DIAPH3: variants seen among roughly 807,000 people sequenced by gnomAD.
The protein encoded by DIAPH3 is protein diaphanous homolog 3.
A neutral mutation model predicts 144.3 loss-of-function variants in DIAPH3; 117 were observed. That is an observed-to-expected ratio of 0.81 (90% CI 0.70 to 0.95). The LOEUF (loss-of-function observed/expected upper bound fraction) is 0.95. Ranked by LOEUF, DIAPH3 falls within the 40% of genes least tolerant of loss-of-function variation. The pLI is 0.00. For synonymous variants in DIAPH3, 519 were observed against 488.9 expected, an observed-to-expected ratio of 1.06 and a Z score of -0.81; for missense variants, 1,421 against 1,412.7, an observed-to-expected ratio of 1.01 and a Z score of -0.09.
chr13:59,889,884 T>C (rs1226837174), intron 20 of DIAPH3, among the ~76,000 whole-genome samples: 1 of 152,110 alleles, frequency 6.6e-6, no homozygotes, highest in Admixed American at 6.6e-5. Context: ...CTCCAACCTG[T>C]TTTCCCTGGG....
chr13:59,845,348 A>G (rs956088003), intron 22 of DIAPH3, among the ~76,000 whole-genome samples: 2 of 151,996 alleles, frequency 1.3e-5, no homozygotes, highest in Non-Finnish European at 2.9e-5. Context: ...GGCTGACTTA[A>G]CACTTTTAAA....
At chr13:60,083,698 A>T (rs1260842820) in intron 4 of DIAPH3, among the ~76,000 whole-genome samples, 6 of 152,064 alleles carry the variant, frequency 3.9e-5, no homozygotes, top group Non-Finnish European at 5.9e-5. Context: ...CACTTGCTTC[A>T]ACAGTGATTG....
intron 1 of DIAPH3, among the ~76,000 whole-genome samples, chr13:60,150,325 G>A (rs1020058096): frequency 1.3e-4 from 19 of 151,942 alleles, no homozygotes; most frequent in African/African-American, 3.6e-4. Flanking sequence ...GCGCCTGGCC[G>A]CTTTTTCAAT....
chr13:59,971,879 C>T (rs189119078), intron 15 of DIAPH3, among the ~76,000 whole-genome samples: 6 of 152,306 alleles, frequency 3.9e-5, no homozygotes, highest in African/African-American at 1.4e-4. Context: ...TGACCATCTC[C>T]TACTAGCCTC....
intron 27 of DIAPH3, among the ~76,000 whole-genome samples, chr13:59,758,572 T>C (rs1332486734): frequency 6.6e-6 from 1 of 152,224 alleles, no homozygotes. Flanking sequence ...TTAATCAACA[T>C]TCATCAAGCC....
intron 1 of DIAPH3, 88 bp from the exon 2 acceptor site, chr13:60,133,077 C>G (rs558264765): frequency 1.1e-6 from 1 of 871,054 alleles, no homozygotes; most frequent in Non-Finnish European, 1.8e-6. Context: ...TTCTACAATC[C>G]TAACTTGAAT....
chr13:60,042,503 T>C (rs2055752226), intron 5 of DIAPH3, among the ~76,000 whole-genome samples, 187 bp downstream of exon 5: 1 of 152,306 alleles, frequency 6.6e-6, no homozygotes, highest in African/African-American at 2.4e-5. Flanking sequence ...CCCTGAGCAA[T>C]GTACCACTCA....
At chr13:60,058,631 T>G (rs1010055948) in intron 4 of DIAPH3, among the ~76,000 whole-genome samples, 1 of 151,832 alleles carries the variant, frequency 6.6e-6, no homozygotes, top group Admixed American at 6.6e-5. Context: ...CACCAACTGG[T>G]GAGTGGATAA....
intron 20 of DIAPH3, among the ~76,000 whole-genome samples, chr13:59,909,624 A>C (rs2140226700): frequency 6.6e-6 from 1 of 152,344 alleles, no homozygotes; most frequent in South Asian, 2.1e-4. Flanking sequence ...AATTTGTTCA[A>C]GAGTATATTG....
At chr13:59,928,324 G>A (rs536834504) in intron 17 of DIAPH3, among the ~76,000 whole-genome samples, 32 of 151,704 alleles carry the variant, frequency 2.1e-4, no homozygotes, top group South Asian at 8.4e-4. Flanking sequence ...TGTTCTCTGC[G>A]CTTCACTGAG....
At chr13:59,887,126 G>A (rs533154891) in intron 20 of DIAPH3, among the ~76,000 whole-genome samples, 133 of 151,858 alleles carry the variant, frequency 8.8e-4, no homozygotes, top group African/African-American at 3.0e-3. Context: ...TGTCAAATGC[G>A]TCTTATTTCG....
chr13:59,757,336 A>T (rs35373565), intron 27 of DIAPH3, among the ~76,000 whole-genome samples: 50,848 of 149,590 alleles, frequency 0.34, 9,137 homozygotes, highest in African/African-American at 0.44. Flanking sequence ...GTAAAAAAAA[A>T]TTGAAAAACA....
chr13:59,774,309 A>C, intron 26 of DIAPH3, 61 bp from the exon 27 acceptor site: 3 of 1,347,608 alleles, frequency 2.2e-6, no homozygotes, highest in Non-Finnish European at 3.1e-6. Flanking sequence ...AAGAAGGAAA[A>C]CAGTATTAGA....
At chr13:59,710,168 C>T (rs377337010) in intron 27 of DIAPH3, among the ~76,000 whole-genome samples, 46 of 150,174 alleles carry the variant, frequency 3.1e-4, no homozygotes, top group East Asian at 2.3e-3. Flanking sequence ...GTGGGTGCAG[C>T]GCACCAGCAT....
chr13:60,077,740 T>C (rs749823555), intron 4 of DIAPH3, among the ~76,000 whole-genome samples: 1 of 152,106 alleles, frequency 6.6e-6, no homozygotes, highest in Non-Finnish European at 1.5e-5. Context: ...CAGCAAGATT[T>C]CTCTGCCTTC....
chr13:59,751,152 C>T (rs1368616639), intron 27 of DIAPH3, among the ~76,000 whole-genome samples: 1 of 152,272 alleles, frequency 6.6e-6, no homozygotes, highest in Non-Finnish European at 1.5e-5. Flanking sequence ...TTAGCATTCG[C>T]CCTGCTCCTG....
chr13:59,791,121 T>G (rs755011042), intron 25 of DIAPH3, among the ~76,000 whole-genome samples: 1 of 152,054 alleles, frequency 6.6e-6, no homozygotes, highest in African/African-American at 2.4e-5. Flanking sequence ...GACTATACCA[T>G]GCCCAAGTAA....
chr13:59,811,035 A>C, intron 24 of DIAPH3, 112 bp from the exon 25 acceptor site: 1 of 1,001,166 alleles, frequency 1.0e-6, no homozygotes, highest in South Asian at 1.6e-5. Flanking sequence ...CTTTTAGATA[A>C]TGGTGAGTTA....
At chr13:60,077,257 A>G (rs1566744073) in intron 4 of DIAPH3, among the ~76,000 whole-genome samples, 1 of 152,088 alleles carries the variant, frequency 6.6e-6, no homozygotes, top group Non-Finnish European at 1.5e-5. Flanking sequence ...GAGCTATAAA[A>G]TCTAAATAGT....
Sources: allele counts gnomAD v4.1 joint callset (sites outside exome capture counted in the v4.1 genomes callset), GRCh38; gene constraint gnomAD v4.1.1; transcripts MANE v1.5; gene names NCBI Gene and HGNC (gene_info 2026-07-23, HGNC 2026-07-21).